Variants in CSF1R observed in about 807,000 individuals in gnomAD.
The protein encoded by CSF1R is macrophage colony-stimulating factor 1 receptor.
CSF1R carries 40 observed loss-of-function variants against 110.0 expected under a neutral mutation model. The ratio of observed to expected loss-of-function variants is 0.36; its 90% CI spans 0.28 to 0.47. The LOEUF (loss-of-function observed/expected upper bound fraction) is 0.47, where lower values mean the gene tolerates loss of function less well. CSF1R is among the 20% of genes least tolerant of loss of function. The probability of loss-of-function intolerance (pLI) is 0.99; values close to 1 mark genes in which losing one functional copy is unlikely to be tolerated. For synonymous variants in CSF1R, 523 were observed against 503.4 expected (o/e 1.04, Z -0.52); for missense variants, 1,052 against 1,253.0 (o/e 0.84, Z 2.42).
rs751178536 is a variant in CSF1R, at chr5:150,056,080, C to A, written c.2500G>T (p.Val834Phe). Residue 834 changes from valine to phenylalanine, a missense_variant, in exon 18 of 21, where the codon GTT (valine) becomes TTT (phenylalanine). Val to Phe is a conservative substitution (Grantham distance 50). This residue lies in a region of CSF1R where 74 missense variants were observed against 187.4 expected (regional missense o/e 0.39). Transcript: ENST00000675795. ...CCATAGGACCAGACGTCGCTCTGAACCGTGTAGACACAGTCAAAGATGCTC... is the reference window on the plus strand; with the variant it reads ...CCATAGGACCAGACGTCGCTCTGAAACGTGTAGACACAGTCAAAGATGCTC... ...PESIFDCVYT[V>F]QSDVWSYGIL... The A allele has an allele frequency of 1.9e-6, 3 of 1,614,238 alleles. No homozygotes were observed. Among genetic ancestry groups the A allele is most frequent in the Non-Finnish European group, 2.5e-6 (3 of 1,180,048 alleles).
intron 12 of CSF1R, among the ~76,000 whole-genome samples, chr5:150,061,231 G>A (rs907933806): frequency 3.3e-5 from 5 of 152,176 alleles, no homozygotes; most frequent in African/African-American, 1.2e-4. Flanking sequence ...CATGGCCATA[G>A]GTGGCCTTTC....
intron 5 of CSF1R, among the ~76,000 whole-genome samples, chr5:150,074,706 C>T (rs1758185443): frequency 6.6e-6 from 1 of 152,146 alleles, no homozygotes; most frequent in Non-Finnish European, 1.5e-5. Context: ...CTGAAATTCA[C>T]CCTTCTACAC....
rs170037 is a variant in CSF1R, at chr5:150,061,081, C to A, written c.1859-109G>T. 4.1e-6 allele frequency: 3 copies of A among 731,474 alleles called. No individual in the cohort carries two copies. In the East Asian group the frequency reaches 8.2e-5, roughly 20 times the overall value. The allele number at this position is 731,474 out of a possible 1,614,324, so 45.3% of individuals were successfully genotyped here. On this transcript the variant is annotated intron_variant, in intron 12 of 20. Coordinates refer to ENST00000675795, the MANE Select transcript of CSF1R (RefSeq NM_001288705.3). ...GACCCAGGGGAGAAAGCAGGGCATA[C>A]CCCAAGACCCGGAGTGACCAGAAGC...
intron 19 of CSF1R, 75 bp downstream of exon 19, chr5:150,055,162 G>A (rs2113776070): frequency 7.6e-7 from 1 of 1,317,870 alleles, no homozygotes; most frequent in Non-Finnish European, 1.1e-6. Flanking sequence ...GAAAGATCAG[G>A]GCCACACGGC....
rs752638971 is a variant in CSF1R at position 150,100,290 on chromosome 5, C to CTTTTTTTTTTTTTT, written c.-181+12957_-181+12970dup. On this transcript the variant is annotated intron_variant, in intron 1 of 21. Transcript: ENST00000286301. ...AGTGAACCTAAGATCATTGGCTAAC[C>CTTTTTTTTTTTTTT]TTTTTTTTTTTTTTTTTTTTTTTCT... 5.6e-5 allele frequency among the ~76,000 whole-genome samples: 5 copies of CTTTTTTTTTTTTTT among 89,348 alleles called. 2 individuals are homozygous for CTTTTTTTTTTTTTT. The highest frequency in any genetic ancestry group is 6.7e-4 in the East Asian group (2 of 2,996). 58.6% of individuals were successfully genotyped at this position (89,348 alleles called of 152,430 possible).
chr5:150,073,167 G>A (rs1050109962), intron 6 of CSF1R, 134 bp downstream of exon 6: 18 of 824,180 alleles, frequency 2.2e-5, no homozygotes, highest in African/African-American at 1.2e-4. Context: ...CAGGGAAAGC[G>A]AAGCCCAGAA....
chr5:150,095,862 G>A (rs1346180696), intron 1 of CSF1R, among the ~76,000 whole-genome samples: 1 of 151,304 alleles, frequency 6.6e-6, no homozygotes, highest in Non-Finnish European at 1.5e-5. Context: ...AATAATAAGG[G>A]AATACTATGA....
intron 1 of CSF1R, chr5:150,094,825 T>C (rs1431822310): frequency 7.6e-7 from 1 of 1,321,370 alleles, no homozygotes; most frequent in African/African-American, 1.5e-5. Flanking sequence ...AACGCTTTGA[T>C]TGCTCGATCT....
intron 13 of CSF1R, 43 bp from the exon 14 acceptor site, chr5:150,059,905 T>C (rs2113787943): frequency 6.3e-7 from 1 of 1,576,686 alleles, no homozygotes; most frequent in Non-Finnish European, 8.7e-7. Context: ...TGCTGAGTGC[T>C]CCCCTCCATG....
intron 19 of CSF1R, chr5:150,054,669 G>T (rs1331553893): frequency 6.1e-6 from 3 of 494,842 alleles, no homozygotes; most frequent in Non-Finnish European, 1.1e-5. Flanking sequence ...TATCCTCAGG[G>T]TAACTGTAAT....
intron 1 of CSF1R, among the ~76,000 whole-genome samples, chr5:150,085,330 G>C (rs1758795411): frequency 6.7e-6 from 1 of 148,630 alleles, no homozygotes; most frequent in Admixed American, 6.7e-5. Context: ...GCCTGGGCCA[G>C]AGAAGGATGG....
intron 4 of CSF1R, 83 bp from the exon 5 acceptor site, chr5:150,077,518 G>T: frequency 7.0e-7 from 1 of 1,423,130 alleles, no homozygotes; most frequent in Non-Finnish European, 9.7e-7. Context: ...AGCCTTTAAG[G>T]ATTACTATCT....
intron 18 of CSF1R, 80 bp downstream of exon 18, chr5:150,055,946 C>T: frequency 7.7e-7 from 1 of 1,302,268 alleles, no homozygotes; most frequent in Non-Finnish European, 1.1e-6. Flanking sequence ...GTGTCCTGGG[C>T]ACCAAACAGC....
Position 150,054,097 on chromosome 5 carries a change from A to G in CSF1R, c.2891T>C (p.Leu964Pro). 6.2e-7 allele frequency: 1 copy of G among 1,614,194 alleles called. No individual in the cohort carries two copies. Among genetic ancestry groups the G allele is most frequent in the Non-Finnish European group, 8.5e-7 (1 of 1,180,036 alleles). Residue 964 changes from leucine (L) to proline (P), a missense_variant, in exon 21 of 21, where the codon CTG becomes CCG. Coordinates refer to ENST00000675795, the MANE Select transcript of CSF1R (RefSeq NM_001288705.3). ...CEQGDIAQPL[L>P]QPNNYQFC ...GCAGAACTGATAGTTGTTGGGCTGC[A>G]GCAAGGGCTGGGCGATATCCCCTTG...
chr5:150,103,589 A>C (rs1759464880), intron 1 of CSF1R, among the ~76,000 whole-genome samples: 1 of 152,218 alleles, frequency 6.6e-6, no homozygotes, highest in South Asian at 2.1e-4. Context: ...GCAAGCCCCT[A>C]AGTGTTGTAA....
chr5:150,056,457 G>C (rs1757222980), intron 16 of CSF1R, 116 bp from the exon 17 acceptor site: 4 of 1,346,208 alleles, frequency 3.0e-6, no homozygotes, highest in Non-Finnish European at 4.1e-6. Flanking sequence ...GTGAACAACA[G>C]TTTTGGTCCT....
rs1009061529 is a variant in CSF1R at position 150,056,403 on chromosome 5, G to T, written c.2320-62C>A. ...CTCCTACCTGAGCCTGAGGTGAGGA[G>T]GATGGCAGGGAGGGCCCCACATGGC... is the stretch of plus-strand genomic sequence containing the variant. On this transcript the variant is annotated intron_variant, in intron 16 of 20. Transcript: ENST00000675795. 5 of 1,595,468 alleles carry T rather than the reference G, an allele frequency of 3.1e-6. No individual in the cohort carries two copies. The African/African-American group carries it at 6.7e-5, about 21-fold the overall frequency.
chr5:150,088,303 C>A (rs967078452), upstream of CSF1R, among the ~76,000 whole-genome samples: 2 of 152,140 alleles, frequency 1.3e-5, no homozygotes, highest in South Asian at 4.1e-4. Flanking sequence ...AACCTCCCGA[C>A]AAAGCAAAGC....
Position 150,077,489 on chromosome 5 carries a change from GA to G in CSF1R, c.730-55del, listed in dbSNP as rs1352708933. 5.1e-6 allele frequency: 8 copies of G among 1,556,768 alleles called. No individual in the cohort carries two copies. The South Asian group carries it at 9.6e-5, about 19-fold the overall frequency. ...ACCAAGGTAGTTTAGGGATTAGAAAGATCTGGGTTCCAATCCTCAGCCTTTA... is the reference window on the plus strand; with the variant it reads ...ACCAAGGTAGTTTAGGGATTAGAAAGTCTGGGTTCCAATCCTCAGCCTTTA... On this transcript the variant is annotated intron_variant, in intron 4 of 20. Coordinates refer to ENST00000675795, the MANE Select transcript of CSF1R (RefSeq NM_001288705.3).
Sources: allele counts gnomAD v4.1 joint callset (sites outside exome capture counted in the v4.1 genomes callset), GRCh38; gene constraint gnomAD v4.1.1; regional missense constraint gnomAD v4.1.1; transcripts MANE v1.5; gene names NCBI Gene and HGNC (gene_info 2026-07-23, HGNC 2026-07-21).